Variants in ALLC observed in about 807,000 individuals in gnomAD.
The protein encoded by ALLC is allantoicase, also known as probable inactive allantoicase.
Under a neutral mutation model 45.0 loss-of-function variants are expected in ALLC, and 40 were observed. The observed-to-expected ratio is 0.89, with a 90% CI of 0.69 to 1.16. ALLC has a LOEUF of 1.16. ALLC is among the 50% of genes most tolerant of loss of function. The probability of loss-of-function intolerance (pLI) is 0.00; values close to 1 mark genes in which losing one functional copy is unlikely to be tolerated. For missense variants in ALLC, 488 were observed against 493.1 expected (o/e 0.99, Z 0.10); for synonymous variants, 176 against 178.1 (o/e 0.99, Z 0.09).
intron 1 of ALLC, among the ~76,000 whole-genome samples, chr2:3,668,208 GGT>G (rs1256847738): frequency 1.3e-5 from 2 of 152,212 alleles, no homozygotes; most frequent in Non-Finnish European, 2.9e-5. Context: ...TTGCTGAGGA[GGT>G]GATTGTCAGG....
At chr2:3,681,186 G>A (rs938862990) in intron 5 of ALLC, among the ~76,000 whole-genome samples, 27 of 152,226 alleles carry the variant, frequency 1.8e-4, no homozygotes, top group African/African-American at 4.3e-4. Flanking sequence ...CTCTAAAAGC[G>A]GAAATGACCA....
intron 7 of ALLC, among the ~76,000 whole-genome samples, chr2:3,684,006 A>G (rs1667264159): frequency 6.6e-6 from 1 of 152,002 alleles, no homozygotes; most frequent in African/African-American, 2.4e-5. Flanking sequence ...TAGTTGACAG[A>G]CACTTGTTTC....
chr2:3,673,863 A>G (rs1012990856), intron 2 of ALLC, among the ~76,000 whole-genome samples: 5 of 150,344 alleles, frequency 3.3e-5, no homozygotes, highest in African/African-American at 1.3e-4. Flanking sequence ...GGAGAATCGG[A>G]AAAAAGGGTG....
chr2:3,695,408 C>A (rs1667636569), intron 7 of ALLC: 1 of 306,512 alleles, frequency 3.3e-6, no homozygotes, highest in Non-Finnish European at 6.0e-6. Context: ...CCTGGGGAGT[C>A]AGGCAGTGGC....
intron 7 of ALLC, among the ~76,000 whole-genome samples, chr2:3,691,547 G>A (rs1667518948): frequency 6.6e-6 from 1 of 152,096 alleles, no homozygotes; most frequent in Non-Finnish European, 1.5e-5. Context: ...ATAGGCATGA[G>A]CCATCATACC....
chr2:3,653,930 C>T (rs1326330739), upstream of ALLC, among the ~76,000 whole-genome samples: 1 of 152,144 alleles, frequency 6.6e-6, no homozygotes, highest in African/African-American at 2.4e-5. This position sits in a 1 kb window ranked among gnomAD's most constrained non-coding sequence, Gnocchi z 4.1. Flanking sequence ...ACGAATTATC[C>T]CACGATTAAT....
Position 3,678,596 on chromosome 2 carries a change from G to A in ALLC, c.172+41G>A, listed in dbSNP as rs1423298928. The A allele has an allele frequency of 1.0e-5, 16 of 1,558,730 alleles. No homozygotes were observed. In the Admixed American group the frequency reaches 2.7e-4, roughly 26 times the overall value. ...CGTTCATCGAAGTGCAGCTGACACT[G>A]CAAAGTTAAAAACGCAGGCTGTGGC... On this transcript the variant is annotated intron_variant, in intron 4 of 11. Coordinates refer to ENST00000252505, the MANE Select transcript of ALLC (RefSeq NM_018436.4).
chr2:3,681,693 G>A lies in ALLC; in HGVS notation c.358G>A (p.Glu120Lys). 6.2e-7 allele frequency: 1 copy of A among 1,610,558 alleles called. No individual in the cohort carries two copies. The highest frequency in any genetic ancestry group is 8.5e-7 in the Non-Finnish European group (1 of 1,178,304). Residue 120 changes from glutamate to lysine, a missense_variant, in exon 6 of 12, where the codon GAG becomes AAG. By Grantham distance (56) the Glu-to-Lys change is moderately conservative. Transcript: ENST00000252505. ...GACAGGAGCTGCAGCCACTCCTGAG[G>A]AGTTTGAAGCCATTGCTGAGGTACA... The part of the protein sequence containing the change: ...TRTGAAATPE[E>K]FEAIAELKSD...
intron 1 of ALLC, among the ~76,000 whole-genome samples, chr2:3,661,676 G>A (rs766624168): frequency 2.0e-5 from 3 of 152,210 alleles, no homozygotes; most frequent in Admixed American, 6.5e-5. Flanking sequence ...GCACCTCTCC[G>A]ACGATGCTTT....
At chr2:3,656,012 G>GGAGGAAT, upstream of ALLC, among the ~76,000 whole-genome samples, 1 of 152,234 alleles carries the variant, frequency 6.6e-6, no homozygotes, top group South Asian at 2.1e-4. Flanking sequence ...GAATGGGGCG[G>GGAGGAAT]GGGGAGGAAG....
intron 1 of ALLC, among the ~76,000 whole-genome samples, chr2:3,660,111 G>A (rs995344046): frequency 1.1e-4 from 16 of 152,330 alleles, no homozygotes; most frequent in African/African-American, 3.8e-4. Context: ...TGGGTTATGG[G>A]GGCGGATCCC....
rs1240559980 is a variant in ALLC, at chr2:3,680,899, C to G, written c.299-735C>G. Among the ~76,000 whole-genome samples, 1 of 152,084 alleles carries G rather than the reference C, an allele frequency of 6.6e-6. No individual in the cohort carries two copies. On this transcript the variant is annotated intron_variant, in intron 5 of 11. Coordinates refer to ENST00000252505, the MANE Select transcript of ALLC (RefSeq NM_018436.4). This position sits in a 1 kb window ranked among gnomAD's most constrained non-coding sequence, Gnocchi z 4.0. ...TAATCAGACATTGACATGGCAGATT[C>G]GCATCCAAGATGGAGTCACTTTGTC...
upstream of ALLC, among the ~76,000 whole-genome samples, chr2:3,654,023 G>A (rs931888344): frequency 6.6e-6 from 1 of 152,238 alleles, no homozygotes; most frequent in Admixed American, 6.5e-5. Flanking sequence ...AGTCTCAAGA[G>A]ATTGCACTCA....
At chr2:3,669,944 G>A (rs189132919) in intron 1 of ALLC, among the ~76,000 whole-genome samples, 6 of 152,314 alleles carry the variant, frequency 3.9e-5, no homozygotes, top group Non-Finnish European at 8.8e-5. Context: ...CTATGCATTT[G>A]GGGATAATTG....
intron 1 of ALLC, among the ~76,000 whole-genome samples, chr2:3,666,392 C>T (rs73910324): frequency 2.0e-5 from 3 of 152,338 alleles, no homozygotes; most frequent in Non-Finnish European, 4.4e-5. Flanking sequence ...TGGCCCAGCA[C>T]TGCGTGATTT....
At chr2:3,689,361 C>T (rs1323567224) in intron 7 of ALLC, among the ~76,000 whole-genome samples, 1 of 150,786 alleles carries the variant, frequency 6.6e-6, no homozygotes, top group African/African-American at 2.4e-5. Context: ...ATAAACTTCC[C>T]TCTTAGTACT....
intron 2 of ALLC, 122 bp downstream of exon 2, chr2:3,671,312 A>G: frequency 8.7e-7 from 1 of 1,143,398 alleles, no homozygotes. Flanking sequence ...TGGCCTGCCC[A>G]AGGAAACCCG....
intron 3 of ALLC, among the ~76,000 whole-genome samples, chr2:3,677,480 A>T (rs1213756700): frequency 6.6e-6 from 1 of 152,234 alleles, no homozygotes. Flanking sequence ...GTATAATGCT[A>T]AATACTGGGC....
At chr2:3,655,591 G>T (rs555638590), upstream of ALLC, among the ~76,000 whole-genome samples, 121 of 152,262 alleles carry the variant, frequency 7.9e-4, no homozygotes, top group Non-Finnish European at 1.6e-3. Context: ...AAGTAGCTGG[G>T]AATACAGGTG....
Sources: gnomAD v4.1 joint callset for allele counts (sites outside exome capture counted in the v4.1 genomes callset) on GRCh38, gnomAD v4.1.1 for gene constraint, Gnocchi (gnomAD v3.1) non-coding constraint, MANE v1.5 for transcripts, NCBI Gene and HGNC (gene_info 2026-07-23, HGNC 2026-07-21) for gene names.